Variants in LRRC7 observed in about 807,000 individuals in gnomAD.
LRRC7 encodes leucine rich repeat containing 7, also known as leucine-rich repeat-containing protein 7.
In LRRC7, 23 loss-of-function variants were observed where a neutral mutation model predicts 175.7. The observed-to-expected ratio is 0.13, with a 90% CI of 0.09 to 0.19. The LOEUF (loss-of-function observed/expected upper bound fraction) is 0.19. Ranked by LOEUF, LRRC7 falls within the 10% of genes least tolerant of loss-of-function variation. LRRC7 has a pLI of 1.00. For synonymous variants in LRRC7, 685 were observed against 680.9 expected (o/e 1.01, Z -0.09); for missense variants, 1,354 against 1,904.7 (o/e 0.71, Z 5.38).
At chr1:69,659,804 T>C (rs1432623611) in intron 1 of LRRC7, among the ~76,000 whole-genome samples, 1 of 151,860 alleles carries the variant, frequency 6.6e-6, no homozygotes, top group East Asian at 1.9e-4. Flanking sequence ...ATATTACATA[T>C]GTAGATATAT....
rs550338724 is a variant in LRRC7, at chr1:69,835,711, G to A, written c.590+842G>A. On this transcript the variant is annotated intron_variant, in intron 6 of 26. Transcript: ENST00000651989. ...TTGCCATTGTCAGATATCCCACTAGGATTTATGGACAAGTTTATTGTTATT... is the reference window on the plus strand; with the variant it reads ...TTGCCATTGTCAGATATCCCACTAGAATTTATGGACAAGTTTATTGTTATT... Among the ~76,000 whole-genome samples the A allele has an allele frequency of 2.0e-5, 3 of 151,972 alleles. No individual in the cohort carries two copies. In the South Asian group the frequency reaches 6.2e-4, roughly 32 times the overall value.
At chr1:69,986,090 T>C (rs932864493) in intron 9 of LRRC7, 152 bp from the exon 10 acceptor site, 2 of 690,172 alleles carry the variant, frequency 2.9e-6, no homozygotes, top group African/African-American at 3.6e-5. Flanking sequence ...ACTAGCAATG[T>C]TTGAAGTTTA....
intron 7 of LRRC7, chr1:69,873,502 G>A (rs1371205021): frequency 1.3e-5 from 7 of 532,620 alleles, no homozygotes; most frequent in African/African-American, 3.9e-5. Flanking sequence ...TTGCCCAATC[G>A]CCTGAGACTA....
At chr1:69,950,350 CAT>C in intron 8 of LRRC7, among the ~76,000 whole-genome samples, 1 of 152,080 alleles carries the variant, frequency 6.6e-6, no homozygotes, top group East Asian at 1.9e-4. Context: ...GATAACAACT[CAT>C]AGACATGAGG....
At chr1:69,797,929 G>C (rs1459787049) in intron 4 of LRRC7, among the ~76,000 whole-genome samples, 1 of 151,930 alleles carries the variant, frequency 6.6e-6, no homozygotes, top group African/African-American at 2.4e-5. Flanking sequence ...TTGTTTGTTT[G>C]TTTGTTTTTT....
chr1:69,704,709 A>G (rs1225323500), intron 2 of LRRC7, among the ~76,000 whole-genome samples: 1 of 151,946 alleles, frequency 6.6e-6, no homozygotes, highest in African/African-American at 2.4e-5. Context: ...TATTTTCTTC[A>G]TAAATCTAAT....
chr1:69,849,319 G>A (rs1311386146), intron 7 of LRRC7, among the ~76,000 whole-genome samples: 1 of 151,870 alleles, frequency 6.6e-6, no homozygotes, highest in Non-Finnish European at 1.5e-5. Flanking sequence ...GTAGATAAAT[G>A]AATTATTTTG....
At chr1:70,083,064 C>G (rs914549772) in intron 24 of LRRC7, among the ~76,000 whole-genome samples, 6 of 151,856 alleles carry the variant, frequency 4.0e-5, no homozygotes, top group Non-Finnish European at 7.4e-5. Flanking sequence ...GGATTACAGG[C>G]GTGAGCCATT....
chr1:70,114,445 C>T (rs1665721173), intron 26 of LRRC7, among the ~76,000 whole-genome samples: 1 of 152,018 alleles, frequency 6.6e-6, no homozygotes, highest in Admixed American at 6.6e-5. Context: ...AGGAGGATTG[C>T]TTGAGGCAGA....
chr1:69,972,953 CTATA>C (rs1202620730), intron 8 of LRRC7, among the ~76,000 whole-genome samples: 1 of 143,054 alleles, frequency 7.0e-6, no homozygotes, highest in Non-Finnish European at 1.5e-5. Context: ...TATATAAATA[CTATA>C]TATATAATAC....
intron 1 of LRRC7, among the ~76,000 whole-genome samples, chr1:69,600,924 G>A (rs1001483759): frequency 7.1e-6 from 1 of 140,374 alleles, no homozygotes; most frequent in African/African-American, 2.6e-5. Context: ...CTATTCCCCT[G>A]CCTCAACCTC....
At chr1:69,834,215 T>A (rs563675669) in intron 5 of LRRC7, among the ~76,000 whole-genome samples, 1 of 152,266 alleles carries the variant, frequency 6.6e-6, no homozygotes, top group Non-Finnish European at 1.5e-5. Context: ...TAAATATGAA[T>A]TAGACCAATT....
intron 2 of LRRC7, among the ~76,000 whole-genome samples, chr1:69,703,377 A>G (rs1446480336): frequency 2.0e-5 from 3 of 151,392 alleles, no homozygotes; most frequent in Non-Finnish European, 4.4e-5. Context: ...TTACATTTCT[A>G]TGACAAATCT....
At chr1:69,808,360 A>C (rs1450368301) in intron 4 of LRRC7, among the ~76,000 whole-genome samples, 1 of 151,902 alleles carries the variant, frequency 6.6e-6, no homozygotes, top group Admixed American at 6.6e-5. Context: ...GAACAAGACA[A>C]AAAATTAACA....
chr1:69,727,700 T>G (rs924455314), intron 2 of LRRC7, among the ~76,000 whole-genome samples: 1 of 152,232 alleles, frequency 6.6e-6, no homozygotes, highest in African/African-American at 2.4e-5. Flanking sequence ...CAAGACTTGA[T>G]GTATTATTTG....
chr1:69,721,941 CA>C (rs936753129), intron 2 of LRRC7, among the ~76,000 whole-genome samples: 1 of 151,488 alleles, frequency 6.6e-6, no homozygotes, highest in Non-Finnish European at 1.5e-5. Context: ...CACTGTCATG[CA>C]AAAAAATCAT....
chr1:69,962,266 A>T lies in LRRC7; in HGVS notation c.712-18113A>T, dbSNP rs377120537. Among the ~76,000 whole-genome samples, 65 of 152,374 alleles carry T rather than the reference A, an allele frequency of 4.3e-4. 1 individual carries two copies. Among genetic ancestry groups the T allele is most frequent in the African/African-American group, 1.5e-3 (61 of 41,592 alleles). ...ACTGATTATTAAAGAAATGCAAATC[A>T]AAACCACAATGCAGTACCACTCCAC... On this transcript the variant is annotated intron_variant, in intron 8 of 26. Coordinates refer to ENST00000651989, the MANE Select transcript of LRRC7 (RefSeq NM_001370785.2).
chr1:69,926,709 G>A (rs1053389704), intron 7 of LRRC7, among the ~76,000 whole-genome samples: 10 of 152,002 alleles, frequency 6.6e-5, no homozygotes, highest in Non-Finnish European at 1.2e-4. Flanking sequence ...TTCTCTGCAC[G>A]TGAGATGGGT....
chr1:69,678,414 G>A lies in LRRC7; in HGVS notation c.36G>A (p.Pro12=), dbSNP rs115352313. 4.7e-3 allele frequency: 7,480 copies of A among 1,603,404 alleles called. 27 individuals carry two copies. The highest frequency in any genetic ancestry group is 5.7e-3 in the East Asian group (255 of 44,618). Residue 12 remains proline (P), a synonymous_variant, in exon 2 of 27, where the codon CCG becomes CCA. Coordinates refer to ENST00000651989, the MANE Select transcript of LRRC7 (RefSeq NM_001370785.2). ...MENLIRGRNP[P]QYQRSPCKEV... Reference sequence around the variant, plus strand: ...ACCTAATAAGGGGAAGGAATCCCCCGCAATACCAGAGAAGTCCTTGTAAAG... The same window carrying A: ...ACCTAATAAGGGGAAGGAATCCCCCACAATACCAGAGAAGTCCTTGTAAAG...
Sources: gnomAD v4.1 joint callset for allele counts (sites outside exome capture counted in the v4.1 genomes callset) on GRCh38, gnomAD v4.1.1 for gene constraint, MANE v1.5 for transcripts, NCBI Gene and HGNC (gene_info 2026-07-23, HGNC 2026-07-21) for gene names.